TESK2: variants seen among roughly 807,000 people sequenced by gnomAD.
TESK2 encodes dual specificity testis-specific protein kinase 2.
Under a neutral mutation model 57.1 loss-of-function variants are expected in TESK2, and 39 were observed. The observed-to-expected ratio is 0.68, with a 90% confidence interval of 0.53 to 0.89. TESK2 has a LOEUF of 0.89. Among genes scored for constraint, TESK2 ranks in the 40% least tolerant of loss-of-function variants. TESK2 has a pLI of 0.00. For missense variants in TESK2, 646 were observed against 732.1 expected (o/e 0.88, Z 1.36); for synonymous variants, 249 against 267.9 (o/e 0.93, Z 0.69).
At position 45,399,718 on chromosome 1, in the gene TESK2, G is replaced by A. The variant is rs529216384; in HGVS notation, c.345-13758C>T. Among the ~76,000 whole-genome samples the A allele has an allele frequency of 3.1e-4, 47 of 152,244 alleles. No homozygotes were observed. In the Middle Eastern group the frequency reaches 0.024, roughly 77 times the overall value. On this transcript the variant is annotated intron_variant, in intron 3 of 10. Coordinates refer to ENST00000372086, the MANE Select transcript of TESK2 (RefSeq NM_007170.3). The stretch of plus-strand genomic sequence containing the variant: ...GCCTGCCTCGGCCTCCCAAATTGCT[G>A]GGATTTCACAGGCACGAAGACACTG...
chr1:45,396,805 G>GTTTT (rs55739766), intron 3 of TESK2, among the ~76,000 whole-genome samples: 166 of 73,550 alleles, frequency 2.3e-3, no homozygotes, highest in African/African-American at 4.2e-3. Context: ...CAGCTAAGTT[G>GTTTT]TTTTTTTTTT....
intron 3 of TESK2, among the ~76,000 whole-genome samples, chr1:45,416,513 T>A (rs1650249228): frequency 6.6e-6 from 1 of 152,106 alleles, no homozygotes; most frequent in Admixed American, 6.6e-5. Flanking sequence ...TGTAGAATGA[T>A]TAAATCAAGC....
chr1:45,375,279 T>C (rs920254451), intron 4 of TESK2, among the ~76,000 whole-genome samples: 6 of 152,076 alleles, frequency 3.9e-5, no homozygotes, highest in Non-Finnish European at 8.8e-5. Context: ...TCTACTACTG[T>C]TCTCTTCATG....
chr1:45,484,932 G>A (rs932166070), intron 1 of TESK2, among the ~76,000 whole-genome samples: 3 of 151,226 alleles, frequency 2.0e-5, no homozygotes, highest in Admixed American at 6.6e-5. Context: ...TCGGGAGGCC[G>A]AGGCAGGAGA....
chr1:45,448,804 A>G (rs1651749308), intron 2 of TESK2, among the ~76,000 whole-genome samples: 2 of 152,224 alleles, frequency 1.3e-5, no homozygotes, highest in African/African-American at 2.4e-5. Flanking sequence ...GCCATTAGAT[A>G]TTTGAAAATT....
chr1:45,395,060 T>C (rs772569145), intron 3 of TESK2, among the ~76,000 whole-genome samples: 1 of 152,172 alleles, frequency 6.6e-6, no homozygotes, highest in East Asian at 1.9e-4. Flanking sequence ...GTCTTTTCTA[T>C]AGCATGATTT....
At chr1:45,406,055 T>A (rs972714255) in intron 3 of TESK2, among the ~76,000 whole-genome samples, 18 of 151,946 alleles carry the variant, frequency 1.2e-4, no homozygotes, top group Non-Finnish European at 2.1e-4. Flanking sequence ...GGTCAGTCTG[T>A]CTCTATAAAA....
chr1:45,423,592 T>A (rs969913610), intron 2 of TESK2, among the ~76,000 whole-genome samples: 11 of 150,178 alleles, frequency 7.3e-5, no homozygotes, highest in South Asian at 2.1e-4. Context: ...AAAAAAAAAA[T>A]TTCATGCTAA....
chr1:45,345,727 A>T (rs1424247104), intron 10 of TESK2, 150 bp downstream of exon 10: 3 of 896,650 alleles, frequency 3.3e-6, no homozygotes, highest in Non-Finnish European at 5.2e-6. Flanking sequence ...CACAGCTCTT[A>T]AAAAGGCCAG....
intron 4 of TESK2, among the ~76,000 whole-genome samples, chr1:45,380,240 C>T (rs1279280843): frequency 6.6e-6 from 1 of 152,114 alleles, no homozygotes; most frequent in African/African-American, 2.4e-5. Flanking sequence ...GAGAGACCCC[C>T]AAAACATCCT....
At chr1:45,463,036 T>C (rs1204047778) in intron 1 of TESK2, among the ~76,000 whole-genome samples, 3 of 152,248 alleles carry the variant, frequency 2.0e-5, no homozygotes, top group African/African-American at 7.2e-5. Flanking sequence ...TGCCTCCTTT[T>C]GAGAAATGTC....
chr1:45,466,909 G>T (rs1191763613), intron 1 of TESK2, among the ~76,000 whole-genome samples: 1 of 151,910 alleles, frequency 6.6e-6, no homozygotes, highest in South Asian at 2.1e-4. Flanking sequence ...CAAAGTTATT[G>T]ATTAAATGGA....
chr1:45,487,298 T>G (rs932698636), intron 1 of TESK2, among the ~76,000 whole-genome samples: 2 of 152,200 alleles, frequency 1.3e-5, no homozygotes, highest in African/African-American at 4.8e-5. Flanking sequence ...TACAAACATC[T>G]GTACCATTTG....
chr1:45,427,537 A>G (rs953823722), intron 2 of TESK2, among the ~76,000 whole-genome samples: 1 of 152,244 alleles, frequency 6.6e-6, no homozygotes, highest in African/African-American at 2.4e-5. Context: ...AAATGGATAA[A>G]GAAAATGTGG....
rs946512517 is a variant in TESK2, at chr1:45,385,968, A to G, written c.345-8T>C. 6.3e-7 allele frequency: 1 copy of G among 1,598,822 alleles called. No individual in the cohort carries two copies. Among genetic ancestry groups the G allele is most frequent in the African/African-American group, 1.3e-5 (1 of 74,540 alleles). ...ACACATACACCCATGAACCTAAAGA[A>G]CAAGACAGAATTATTTAACAAGTGA... is the stretch of plus-strand genomic sequence containing the variant. On this transcript the variant is annotated splice_polypyrimidine_tract_variant and splice_region_variant and intron_variant, in intron 3 of 10. Coordinates refer to ENST00000372086, the MANE Select transcript of TESK2 (RefSeq NM_007170.3).
chr1:45,357,952 C>T (rs956376231), intron 4 of TESK2, among the ~76,000 whole-genome samples: 5 of 141,990 alleles, frequency 3.5e-5, no homozygotes, highest in East Asian at 2.1e-4. Context: ...TGCAGTAAGC[C>T]GAGATTGCAC....
At chr1:45,453,409 G>A (rs1465681759) in intron 2 of TESK2, among the ~76,000 whole-genome samples, 1 of 150,914 alleles carries the variant, frequency 6.6e-6, no homozygotes, top group Non-Finnish European at 1.5e-5. Context: ...AATTGACTGT[G>A]ACATGAAGGG....
At chr1:45,476,895 C>T (rs1653019172) in intron 1 of TESK2, among the ~76,000 whole-genome samples, 1 of 151,042 alleles carries the variant, frequency 6.6e-6, no homozygotes, top group Non-Finnish European at 1.5e-5. Flanking sequence ...GCCTATAATC[C>T]TACCACTTTG....
intron 1 of TESK2, among the ~76,000 whole-genome samples, chr1:45,471,788 G>A (rs1652773193): frequency 6.6e-6 from 1 of 151,130 alleles, no homozygotes; most frequent in Non-Finnish European, 1.5e-5. Context: ...GAAGATAAGT[G>A]ACCATTTTTT....
Sources: allele counts gnomAD v4.1 joint callset (sites outside exome capture counted in the v4.1 genomes callset), GRCh38; gene constraint gnomAD v4.1.1; transcripts MANE v1.5; gene names NCBI Gene and HGNC (gene_info 2026-07-23, HGNC 2026-07-21).